ZC3H12B: variants seen among roughly 807,000 people sequenced by gnomAD.
The protein encoded by ZC3H12B is zinc finger CCCH-type containing 12B, also known as probable ribonuclease ZC3H12B.
In ZC3H12B, 7 loss-of-function variants were observed where a neutral mutation model predicts 43.9. That is an observed-to-expected ratio of 0.16 (90% CI 0.09 to 0.30). The LOEUF (loss-of-function observed/expected upper bound fraction) is 0.30, where lower values mean the gene tolerates loss of function less well. ZC3H12B is among the 10% of genes least tolerant of loss of function. ZC3H12B has a pLI of 1.00. For synonymous variants in ZC3H12B, 222 were observed against 241.7 expected (o/e 0.92, Z 0.76); for missense variants, 475 against 670.2 (o/e 0.71, Z 3.22).
At chrX:65,193,671 G>A in the ZC3H12B span, among the ~76,000 whole-genome samples, 1 of 111,025 alleles carries the variant, frequency 9.0e-6, no homozygotes, top group Non-Finnish European at 1.9e-5. Context: ...CTACTAATTT[G>A]TGGTTTCAAT....
chrX:65,226,689 C>T, the ZC3H12B span, among the ~76,000 whole-genome samples: 2 of 111,200 alleles, frequency 1.8e-5, no homozygotes, highest in East Asian at 5.6e-4. Context: ...GGAGAAAGAG[C>T]TACCAAGCAA....
chrX:65,103,589 C>T, the ZC3H12B span, among the ~76,000 whole-genome samples: 1 of 111,618 alleles, frequency 9.0e-6, no homozygotes, highest in Non-Finnish European at 1.9e-5. Flanking sequence ...GTGATAATGT[C>T]CGTGAAATCT....
At chrX:65,323,985 A>G in the ZC3H12B span, among the ~76,000 whole-genome samples, 1 of 111,884 alleles carries the variant, frequency 8.9e-6, no homozygotes, top group Non-Finnish European at 1.9e-5. Context: ...GGCCGCATAG[A>G]TGTTGTCTTT....
the ZC3H12B span, among the ~76,000 whole-genome samples, chrX:65,041,448 G>A: frequency 8.9e-6 from 1 of 111,894 alleles, no homozygotes; most frequent in Non-Finnish European, 1.9e-5. Flanking sequence ...TCTAGGTTTT[G>A]TGTATTTAAA....
the ZC3H12B span, among the ~76,000 whole-genome samples, chrX:65,092,933 C>A: frequency 2.7e-5 from 3 of 111,682 alleles, no homozygotes; most frequent in Admixed American, 9.4e-5. Context: ...GCTTCAGAGA[C>A]CTTTGTGGCA....
chrX:65,223,765 T>C, the ZC3H12B span, among the ~76,000 whole-genome samples: 2 of 111,958 alleles, frequency 1.8e-5, no homozygotes, highest in African/African-American at 6.5e-5. Flanking sequence ...AAAACCACAA[T>C]GTGATACCAT....
chrX:65,464,694 G>A (rs1406559120), intron 3 of ZC3H12B, among the ~76,000 whole-genome samples: 2 of 110,344 alleles, frequency 1.8e-5, no homozygotes, highest in South Asian at 3.8e-4. Flanking sequence ...GTTTCTTAAG[G>A]TGAGTGGCTA....
chrX:65,449,549 G>T (rs921326294), intron 3 of ZC3H12B, among the ~76,000 whole-genome samples: 2 of 110,475 alleles, frequency 1.8e-5, no homozygotes, highest in African/African-American at 6.6e-5. Flanking sequence ...AACCCAGGAG[G>T]TGGAGGTTGC....
At chrX:65,273,214 G>T in the ZC3H12B span, among the ~76,000 whole-genome samples, 1 of 112,147 alleles carries the variant, frequency 8.9e-6, no homozygotes, top group Non-Finnish European at 1.9e-5. Flanking sequence ...TAAGTGTTTA[G>T]TTCCAAAATT....
At chrX:65,458,232 A>G (rs1430575634) in intron 3 of ZC3H12B, among the ~76,000 whole-genome samples, 2 of 110,011 alleles carry the variant, frequency 1.8e-5, no homozygotes, top group South Asian at 7.9e-4. Flanking sequence ...ACCTACAAAG[A>G]GATTTAGACT....
At chrX:65,189,578 G>A in the ZC3H12B span, among the ~76,000 whole-genome samples, 2 of 105,915 alleles carry the variant, frequency 1.9e-5, no homozygotes, top group East Asian at 5.9e-4. Context: ...TGTGTTTTTT[G>A]GCTGCATAAA....
At chrX:65,278,203 C>T in the ZC3H12B span, among the ~76,000 whole-genome samples, 3 of 111,628 alleles carry the variant, frequency 2.7e-5, no homozygotes, top group Non-Finnish European at 5.7e-5. Flanking sequence ...CTCCTGGACA[C>T]GTACAACACA....
At chrX:65,505,444 T>C (rs2068415744) in exon 5 of ZC3H12B, 1 of 112,743 alleles carries the variant, frequency 8.9e-6, no homozygotes, top group Admixed American at 9.4e-5. Flanking sequence ...CAGCTTTACA[T>C]TCTATCTCCT....
chrX:65,213,213 G>T, the ZC3H12B span, among the ~76,000 whole-genome samples: 13 of 109,473 alleles, frequency 1.2e-4, no homozygotes, highest in East Asian at 3.7e-3. Context: ...ATCTATCAGT[G>T]TGCCCACGAG....
the ZC3H12B span, among the ~76,000 whole-genome samples, chrX:65,150,504 A>T: frequency 9.2e-6 from 1 of 108,829 alleles, no homozygotes; most frequent in Non-Finnish European, 1.9e-5. Context: ...CGACCCCCCA[A>T]CAGGCCCTGG....
chrX:65,209,678 C>T, the ZC3H12B span, among the ~76,000 whole-genome samples: 4 of 110,135 alleles, frequency 3.6e-5, no homozygotes, highest in African/African-American at 6.6e-5. Flanking sequence ...GGAGAGTTCG[C>T]TACAGTAACC....
chrX:65,274,887 T>C, the ZC3H12B span, among the ~76,000 whole-genome samples: 3 of 111,944 alleles, frequency 2.7e-5, no homozygotes, highest in African/African-American at 9.8e-5. Flanking sequence ...CGAGGGACTG[T>C]TGGCAGACAA....
At chrX:65,429,840 G>A (rs2067132195) in intron 3 of ZC3H12B, among the ~76,000 whole-genome samples, 1 of 112,003 alleles carries the variant, frequency 8.9e-6, no homozygotes, top group African/African-American at 3.2e-5. Flanking sequence ...CTTCATTAGA[G>A]GGATCCCTTT....
At chrX:65,254,858 G>T in the ZC3H12B span, among the ~76,000 whole-genome samples, 35 of 111,217 alleles carry the variant, frequency 3.1e-4, no homozygotes, top group African/African-American at 1.1e-3. Context: ...ACCGTTTTAG[G>T]AAAAAACCAA....
Sources: allele counts gnomAD v4.1 joint callset (sites outside exome capture counted in the v4.1 genomes callset), GRCh38; gene constraint gnomAD v4.1.1; transcripts MANE v1.5; gene names NCBI Gene and HGNC (gene_info 2026-07-23, HGNC 2026-07-21).